The following MS4A4E variants were observed in gnomAD, a reference collection of about 807,000 sequenced individuals.
MS4A4E encodes the protein membrane spanning 4-domains A4E.
A neutral mutation model predicts 13.3 loss-of-function variants in MS4A4E; 23 were observed. The ratio of observed to expected loss-of-function variants is 1.73; its 90% CI spans 1.25 to 2.45. The LOEUF (loss-of-function observed/expected upper bound fraction) is 2.45, where lower values mean the gene tolerates loss of function less well. Among genes scored for constraint, MS4A4E ranks in the 30% most tolerant of loss-of-function variants. The pLI is 0.00. For synonymous variants in MS4A4E, 36 were observed against 45.6 expected (o/e 0.79, Z 0.85); for missense variants, 144 against 131.2 (o/e 1.10, Z -0.48).
At chr11:60,205,328 A>G (rs1213403394) in intron 7 of MS4A4E, among the ~76,000 whole-genome samples, 2 of 152,182 alleles carry the variant, frequency 1.3e-5, no homozygotes, top group African/African-American at 2.4e-5. Flanking sequence ...TACAAGAGGA[A>G]GGATATTATC....
chr11:60,217,081 C>G (rs564222305), intron 3 of MS4A4E, among the ~76,000 whole-genome samples: 1 of 152,230 alleles, frequency 6.6e-6, no homozygotes, highest in African/African-American at 2.4e-5. Flanking sequence ...CCTAAGTTCA[C>G]TGGACAAAGT....
chr11:60,229,382 G>C lies in MS4A4E; in HGVS notation c.144+530C>G, dbSNP rs557118139. Among the ~76,000 whole-genome samples the C allele has an allele frequency of 1.4e-4, 22 of 152,276 alleles. No individual in the cohort carries two copies. In the South Asian group the frequency reaches 4.4e-3, roughly 30 times the overall value. ...ATTTTCTCAGTGGTTTGAAGCTTGGGCTAGTGATAAACCTATATTTAATGT... is the reference window on the plus strand; with the variant it reads ...ATTTTCTCAGTGGTTTGAAGCTTGGCCTAGTGATAAACCTATATTTAATGT... On this transcript the variant is annotated intron_variant, in intron 2 of 8. Coordinates refer to ENST00000651255, the MANE Select transcript of MS4A4E (RefSeq NM_001393391.1).
Position 60,200,779 on chromosome 11 carries a change from A to C in MS4A4E, c.*764T>G, listed in dbSNP as rs948175127. Among the ~76,000 whole-genome samples, 1 of 152,186 alleles carries C rather than the reference A, an allele frequency of 6.6e-6. No homozygotes were observed. The highest frequency in any genetic ancestry group is 1.5e-5 in the Non-Finnish European group (1 of 68,026). ...ATTCCACAAAACCGCCATTGTCCTC[A>C]TGGCCCGTTCTCAATGAGCTATTGG... is the stretch of plus-strand genomic sequence containing the variant. On this transcript the variant is annotated 3_prime_UTR_variant, in exon 9 of 9. Coordinates refer to ENST00000651255, the MANE Select transcript of MS4A4E (RefSeq NM_001393391.1).
intron 6 of MS4A4E, among the ~76,000 whole-genome samples, chr11:60,206,171 G>T (rs962106068): frequency 1.3e-5 from 2 of 151,960 alleles, no homozygotes; most frequent in African/African-American, 4.8e-5. Context: ...CCCCAAATAT[G>T]GCAGAAAAAA....
At chr11:60,208,467 G>T in intron 6 of MS4A4E, 126 bp downstream of exon 6, 1 of 306,082 alleles carries the variant, frequency 3.3e-6, no homozygotes, top group Admixed American at 5.0e-5. Flanking sequence ...ACTGGGCCCA[G>T]ACTCTTGATC....
intron 3 of MS4A4E, among the ~76,000 whole-genome samples, chr11:60,224,145 G>A (rs1432400293): frequency 6.6e-6 from 1 of 152,060 alleles, no homozygotes; most frequent in Non-Finnish European, 1.5e-5. Flanking sequence ...CAATAGGTAA[G>A]ACTTGGTATT....
intron 4 of MS4A4E, chr11:60,213,414 G>A: frequency 3.0e-6 from 3 of 986,442 alleles, no homozygotes; most frequent in Non-Finnish European, 4.5e-6. Context: ...AGTCATGTCT[G>A]TGTCCTTCCC....
chr11:60,223,804 C>T (rs1565124615), intron 3 of MS4A4E, among the ~76,000 whole-genome samples: 1 of 152,196 alleles, frequency 6.6e-6, no homozygotes, highest in Non-Finnish European at 1.5e-5. Flanking sequence ...GGGACTCAAA[C>T]TGGCTTCATT....
At chr11:60,233,423 C>A (rs1053598387) in intron 1 of MS4A4E, among the ~76,000 whole-genome samples, 1 of 152,224 alleles carries the variant, frequency 6.6e-6, no homozygotes, top group Non-Finnish European at 1.5e-5. Flanking sequence ...ATCCCTGCTC[C>A]ATGGGCTTGA....
chr11:60,207,616 A>G (rs1282045240), intron 6 of MS4A4E, among the ~76,000 whole-genome samples: 1 of 152,250 alleles, frequency 6.6e-6, no homozygotes, highest in Admixed American at 6.5e-5. Flanking sequence ...CTCAAACTAC[A>G]ATTACTTTAT....
chr11:60,212,625 C>T (rs1030648532), intron 5 of MS4A4E, among the ~76,000 whole-genome samples: 47 of 152,060 alleles, frequency 3.1e-4, no homozygotes, highest in African/African-American at 4.6e-4. Flanking sequence ...GACTTTTTGA[C>T]GCCATTTTTA....
intron 1 of MS4A4E, among the ~76,000 whole-genome samples, chr11:60,230,939 A>G (rs1381651727): frequency 6.6e-6 from 1 of 152,174 alleles, no homozygotes; most frequent in African/African-American, 2.4e-5. Flanking sequence ...ATATGCTAAA[A>G]ACTGTCAGGT....
intron 5 of MS4A4E, among the ~76,000 whole-genome samples, chr11:60,210,459 A>G (rs1246501697): frequency 2.6e-5 from 4 of 152,194 alleles, no homozygotes; most frequent in African/African-American, 9.7e-5. Context: ...AATTACATAT[A>G]TATCTTAGCT....
chr11:60,210,504 G>A (rs2084107052), intron 5 of MS4A4E, among the ~76,000 whole-genome samples: 1 of 152,220 alleles, frequency 6.6e-6, no homozygotes, highest in Non-Finnish European at 1.5e-5. Context: ...TCTAGGTTAA[G>A]TATAGTTGAT....
intron 4 of MS4A4E, chr11:60,213,360 T>A: frequency 6.8e-7 from 1 of 1,466,910 alleles, no homozygotes. Flanking sequence ...AATCTCCAAA[T>A]CATTTATCAG....
At chr11:60,216,758 G>A (rs1280014262) in intron 3 of MS4A4E, among the ~76,000 whole-genome samples, 1 of 152,116 alleles carries the variant, frequency 6.6e-6, no homozygotes, top group Non-Finnish European at 1.5e-5. Flanking sequence ...CTGTGAGGGT[G>A]TTGACAAAGG....
At chr11:60,203,357 G>A (rs2084007258) in intron 8 of MS4A4E, among the ~76,000 whole-genome samples, 1 of 152,078 alleles carries the variant, frequency 6.6e-6, no homozygotes, top group African/African-American at 2.4e-5. Context: ...TATAAGGTAG[G>A]TACTATTGTA....
chr11:60,204,792 A>C (rs902277901), intron 8 of MS4A4E, among the ~76,000 whole-genome samples, 98 bp downstream of exon 8: 1 of 152,222 alleles, frequency 6.6e-6, no homozygotes, highest in Non-Finnish European at 1.5e-5. Context: ...GTCCCATAAG[A>C]GACATAGAAC....
chr11:60,205,522 CTATCTT>C (rs1306080800), intron 7 of MS4A4E, among the ~76,000 whole-genome samples, 186 bp downstream of exon 7: 1 of 152,170 alleles, frequency 6.6e-6, no homozygotes, highest in African/African-American at 2.4e-5. Flanking sequence ...ACTAATTGCT[CTATCTT>C]TATTATACCA....
Sources: allele counts gnomAD v4.1 joint callset (sites outside exome capture counted in the v4.1 genomes callset), GRCh38; gene constraint gnomAD v4.1.1; transcripts MANE v1.5; gene names NCBI Gene and HGNC (gene_info 2026-07-23, HGNC 2026-07-21).